Variants in PLPP1 observed in about 807,000 individuals in gnomAD.
PLPP1 encodes lipid phosphate phosphohydrolase 1a.
PLPP1 carries 24 observed loss-of-function variants against 31.2 expected under a neutral mutation model. That is an observed-to-expected ratio of 0.77 (90% confidence interval 0.56 to 1.08). PLPP1 has a LOEUF of 1.08. PLPP1 is among the 50% of genes least tolerant of loss of function. PLPP1 has a pLI of 0.00. For synonymous variants in PLPP1, 146 were observed against 126.3 expected (o/e 1.16, Z -1.05); for missense variants, 319 against 342.7 (o/e 0.93, Z 0.55).
intron 1 of PLPP1, among the ~76,000 whole-genome samples, chr5:55,498,271 T>C (rs1485404849): frequency 6.6e-6 from 1 of 152,042 alleles, no homozygotes; most frequent in African/African-American, 2.4e-5. Flanking sequence ...ACAGAAATAC[T>C]AGTGTATATT....
chr5:55,500,495 A>G (rs571501787), intron 1 of PLPP1, among the ~76,000 whole-genome samples: 1 of 152,308 alleles, frequency 6.6e-6, no homozygotes, highest in South Asian at 2.1e-4. Context: ...CAAATTTAAC[A>G]GTGGGGGCTA....
chr5:55,507,266 T>C (rs1753300502), intron 1 of PLPP1, among the ~76,000 whole-genome samples: 1 of 152,228 alleles, frequency 6.6e-6, no homozygotes, highest in Non-Finnish European at 1.5e-5. Context: ...TTGGCACATG[T>C]TTCATGTCTA....
chr5:55,426,027 C>T lies in PLPP1; in HGVS notation c.562G>A (p.Ala188Thr), dbSNP rs1317092564. 6.3e-7 allele frequency: 1 copy of T among 1,587,396 alleles called. No homozygotes were observed. The highest frequency in any genetic ancestry group is 8.5e-7 in the Non-Finnish European group (1 of 1,172,520). ...CMLFVALYLQ[A>T]RMKGDWARLL... Reference sequence around the variant, plus strand: ...CTTGCCCAGTCTCCCTTCATCCTGGCTTGAAGATAAAGCTAAAAGAAAAGA... The same window carrying T: ...CTTGCCCAGTCTCCCTTCATCCTGGTTTGAAGATAAAGCTAAAAGAAAAGA... Residue 188 changes from alanine (A) to threonine (T), a missense_variant, in exon 5 of 6, where the codon GCC becomes ACC. By Grantham distance (58) the Ala-to-Thr change is moderately conservative. Transcript: ENST00000307259.
chr5:55,477,659 T>C (rs1254366782), intron 1 of PLPP1, among the ~76,000 whole-genome samples: 1 of 152,052 alleles, frequency 6.6e-6, no homozygotes, highest in Non-Finnish European at 1.5e-5. Context: ...TCCCAAAGTG[T>C]TGAGATTACA....
At chr5:55,426,256 A>T (rs907699605) in intron 4 of PLPP1, among the ~76,000 whole-genome samples, 1 of 152,194 alleles carries the variant, frequency 6.6e-6, no homozygotes, top group Non-Finnish European at 1.5e-5. Flanking sequence ...ATCTATTGCC[A>T]GTCTAGCTAT....
chr5:55,491,029 A>G lies in PLPP1; in HGVS notation c.59-15579T>C, dbSNP rs752618323. On this transcript the variant is annotated intron_variant, in intron 1 of 5. Transcript: ENST00000307259. ...ATGTGACGGTACTGTCATGGTACGG[A>G]TAGTTGATGCTGTTGTCTTTACAGA... The G allele has an allele frequency of 1.5e-5, 25 of 1,613,752 alleles. No individual in the cohort carries two copies. In the Admixed American group the frequency reaches 2.5e-4, roughly 16 times the overall value.
chr5:55,429,651 C>CA (rs1199257050), intron 4 of PLPP1, among the ~76,000 whole-genome samples: 1 of 152,074 alleles, frequency 6.6e-6, no homozygotes, highest in Non-Finnish European at 1.5e-5. Flanking sequence ...TTGAGAGCCC[C>CA]ACCCCCAGCA....
chr5:55,527,928 G>A (rs1168476439), intron 1 of PLPP1, among the ~76,000 whole-genome samples: 1 of 152,162 alleles, frequency 6.6e-6, no homozygotes, highest in Non-Finnish European at 1.5e-5. Flanking sequence ...CTCCCACTGG[G>A]CAAAGCTAAT....
chr5:55,427,890 ATCC>A (rs1383499740), intron 4 of PLPP1, among the ~76,000 whole-genome samples: 1 of 151,926 alleles, frequency 6.6e-6, no homozygotes, highest in Non-Finnish European at 1.5e-5. Context: ...GGTTCAAGCA[ATCC>A]TCCTGCCTCA....
chr5:55,481,763 A>AATAT (rs1752671488), intron 1 of PLPP1, among the ~76,000 whole-genome samples: 1 of 152,180 alleles, frequency 6.6e-6, no homozygotes, highest in Non-Finnish European at 1.5e-5. Flanking sequence ...CAGACTGTCA[A>AATAT]ATAATGGAGC....
intron 1 of PLPP1, among the ~76,000 whole-genome samples, chr5:55,500,203 CCG>C (rs1478056338): frequency 6.6e-6 from 1 of 151,818 alleles, no homozygotes; most frequent in Non-Finnish European, 1.5e-5. Context: ...CCTCAGCCTC[CCG>C]AGTAGCTGGG....
intron 1 of PLPP1, among the ~76,000 whole-genome samples, chr5:55,476,689 C>G (rs910352219): frequency 1.3e-5 from 2 of 152,168 alleles, no homozygotes; most frequent in Non-Finnish European, 2.9e-5. Flanking sequence ...AAAAGTGTTG[C>G]TTCTCCATGA....
In PLPP1 at chr5:55,534,905, C is replaced by T. The variant is rs570636465; in HGVS notation, c.-276G>A. The T allele has an allele frequency of 1.6e-3, 725 of 450,330 alleles. 4 individuals are homozygous for T. Among genetic ancestry groups the T allele is most frequent in the African/African-American group, 0.014 (679 of 48,052 alleles). The allele number at this position is 450,330 out of a possible 1,614,324, so 27.9% of individuals were successfully genotyped here. ...CGCGGCAGCTCTGTAGCCTCAGGAC[C>T]TCCTCAGCCGGCACGGCCTGCCCCG... On this transcript the variant is annotated 5_prime_UTR_variant, in exon 1 of 6. Transcript: ENST00000307259.
At chr5:55,480,527 A>G (rs2111824731) in intron 1 of PLPP1, among the ~76,000 whole-genome samples, 1 of 152,004 alleles carries the variant, frequency 6.6e-6, no homozygotes, top group South Asian at 2.1e-4. Flanking sequence ...TAGACATTTC[A>G]TATAAATGGA....
chr5:55,476,366 C>T (rs1752551668), intron 1 of PLPP1, among the ~76,000 whole-genome samples: 1 of 151,982 alleles, frequency 6.6e-6, no homozygotes, highest in East Asian at 1.9e-4. Context: ...AGCATAAAAG[C>T]ACCTAACAGA....
At chr5:55,471,503 T>C (rs1460742259) in intron 2 of PLPP1, among the ~76,000 whole-genome samples, 2 of 152,022 alleles carry the variant, frequency 1.3e-5, no homozygotes, top group East Asian at 3.9e-4. Context: ...CTCAGCCAGA[T>C]CAAACAGATT....
chr5:55,447,884 T>C (rs1351119269), intron 3 of PLPP1, among the ~76,000 whole-genome samples: 5 of 152,182 alleles, frequency 3.3e-5, no homozygotes, highest in Admixed American at 1.3e-4. Flanking sequence ...TGAATACCAA[T>C]TTGTCTTTTT....
chr5:55,442,796 C>T (rs1400908036), intron 3 of PLPP1, among the ~76,000 whole-genome samples: 1 of 151,934 alleles, frequency 6.6e-6, no homozygotes, highest in African/African-American at 2.4e-5. Context: ...AGAATGCTTA[C>T]AAAACTTAAT....
chr5:55,530,346 T>G, intron 1 of PLPP1: 1 of 1,387,426 alleles, frequency 7.2e-7, no homozygotes, highest in Non-Finnish European at 1.0e-6. Flanking sequence ...AGGAACTATC[T>G]GAAATAAGTG....
Sources: gnomAD v4.1 joint callset for allele counts (sites outside exome capture counted in the v4.1 genomes callset) on GRCh38, gnomAD v4.1.1 for gene constraint, MANE v1.5 for transcripts, NCBI Gene and HGNC (gene_info 2026-07-23, HGNC 2026-07-21) for gene names.